Variants in YPEL1 observed in about 807,000 individuals in gnomAD.
The protein encoded by YPEL1 is protein yippee-like 1.
YPEL1 carries 7 observed loss-of-function variants against 17.3 expected under a neutral mutation model. The ratio of observed to expected loss-of-function variants is 0.40; its 90% CI spans 0.23 to 0.76. The LOEUF is 0.76. Among genes scored for constraint, YPEL1 ranks in the 30% least tolerant of loss-of-function variants. YPEL1 has a pLI of 0.35. For synonymous variants in YPEL1, 59 were observed against 59.6 expected, an observed-to-expected ratio of 0.99 and a Z score of 0.05; for missense variants, 91 against 155.5, an observed-to-expected ratio of 0.59 and a Z score of 2.21.
chr22:21,715,265 C>T (rs533630195), intron 1 of YPEL1, among the ~76,000 whole-genome samples: 5 of 152,054 alleles, frequency 3.3e-5, no homozygotes, highest in Non-Finnish European at 5.9e-5. Context: ...GAGGCTGAGG[C>T]GGGCAGATCG....
chr22:21,721,294 A>G lies in YPEL1; in HGVS notation c.-164-10386T>C, dbSNP rs192390809. ...CGCCCGGCTAATTTTTTTTGTGTGTATTTTTAGTAGAGATGAGGTTTCACC... is the reference window on the plus strand; with the variant it reads ...CGCCCGGCTAATTTTTTTTGTGTGTGTTTTTAGTAGAGATGAGGTTTCACC... On this transcript the variant is annotated intron_variant, in intron 1 of 4. Coordinates refer to ENST00000339468, the MANE Select transcript of YPEL1 (RefSeq NM_013313.5). 7.1e-4 allele frequency among the ~76,000 whole-genome samples: 105 copies of G among 147,120 alleles called. 1 individual carries two copies. The highest frequency in any genetic ancestry group is 3.7e-3 in the Middle Eastern group (1 of 268).
At chr22:21,704,128 A>G (rs758070590) in intron 2 of YPEL1, 17 of 718,306 alleles carry the variant, frequency 2.4e-5, no homozygotes, top group Middle Eastern at 4.5e-4. Context: ...GCAAGTGACT[A>G]TTATTGGGAA....
chr22:21,715,968 G>A (rs2068219789), intron 1 of YPEL1, among the ~76,000 whole-genome samples: 3 of 152,226 alleles, frequency 2.0e-5, no homozygotes, highest in Admixed American at 6.5e-5. Context: ...CTCCATGTTG[G>A]TCAGGCTGGT....
chr22:21,724,398 G>A lies in YPEL1; in HGVS notation c.-165+11217C>T, dbSNP rs139583593. Among the ~76,000 whole-genome samples, 806 of 152,026 alleles carry A rather than the reference G, an allele frequency of 5.3e-3. 5 individuals are homozygous for A. Among genetic ancestry groups the A allele is most frequent in the South Asian group, 0.035 (169 of 4,818 alleles). On this transcript the variant is annotated intron_variant, in intron 1 of 4. Transcript: ENST00000339468. ...CTAAAAATACTAAAATTAGCCATGCGTGGTGGCGGGCACCTGCAATCCCAG... is the reference window on the plus strand; with the variant it reads ...CTAAAAATACTAAAATTAGCCATGCATGGTGGCGGGCACCTGCAATCCCAG...
intron 1 of YPEL1, among the ~76,000 whole-genome samples, chr22:21,716,074 A>G (rs963889188): frequency 6.6e-6 from 1 of 151,438 alleles, no homozygotes; most frequent in Non-Finnish European, 1.5e-5. Flanking sequence ...ACACCTGACT[A>G]ATTTTTGTAT....
chr22:21,701,033 G>A lies in YPEL1; in HGVS notation c.*96C>T. ...GCGCAGCTAGCCTTTGAGGTCAGAGGGCAAGAAAGGCTGTCACCAGATGCT... is the reference window on the plus strand; with the variant it reads ...GCGCAGCTAGCCTTTGAGGTCAGAGAGCAAGAAAGGCTGTCACCAGATGCT... On this transcript the variant is annotated 3_prime_UTR_variant, in exon 5 of 5. Transcript: ENST00000339468. 8.9e-7 allele frequency: 1 copy of A among 1,118,764 alleles called. No individual in the cohort carries two copies. 69.3% of individuals were successfully genotyped at this position (1,118,764 alleles called of 1,614,324 possible).
chr22:21,720,164 C>T (rs112994310), intron 1 of YPEL1, among the ~76,000 whole-genome samples: 30,393 of 129,826 alleles, frequency 0.23, 3,476 homozygotes, highest in African/African-American at 0.29. Context: ...GGTGACAGAG[C>T]GAGACTCTGT....
chr22:21,705,047 C>G (rs551625099), intron 2 of YPEL1, among the ~76,000 whole-genome samples: 2 of 152,312 alleles, frequency 1.3e-5, no homozygotes, highest in Admixed American at 1.3e-4. Flanking sequence ...CTCACTGCAG[C>G]CTCTGCCTCC....
chr22:21,720,956 A>C (rs1488946111), intron 1 of YPEL1, among the ~76,000 whole-genome samples: 1 of 147,264 alleles, frequency 6.8e-6, no homozygotes, highest in East Asian at 2.0e-4. Flanking sequence ...CTACAGGTGC[A>C]CACCACCACA....
At chr22:21,704,387 C>T (rs1386261338) in intron 2 of YPEL1, among the ~76,000 whole-genome samples, 4 of 152,268 alleles carry the variant, frequency 2.6e-5, no homozygotes, top group South Asian at 2.1e-4. Context: ...CTGAGTATGG[C>T]GGCTCACGCC....
In YPEL1 at chr22:21,710,895, G is replaced by A. The variant is rs933799082; in HGVS notation, c.-151C>T. 4.2e-6 allele frequency: 3 copies of A among 707,478 alleles called. No homozygotes were observed. In the African/African-American group the frequency reaches 5.3e-5, roughly 12 times the overall value. 43.8% of individuals were successfully genotyped at this position (707,478 alleles called of 1,614,324 possible). A position where few individuals can be genotyped will look rare whatever the true frequency, so the allele number is the denominator to read the frequency against. ...GGCACTGTCCACACAGCTGGGACGA[G>A]AGAAAAACGTAACCTGCCAACCAAT... On this transcript the variant is annotated 5_prime_UTR_variant, in exon 2 of 5. Transcript: ENST00000339468.
chr22:21,701,226 AAG>A lies in YPEL1; in HGVS notation c.271-10_271-9del. 1 of 1,609,420 alleles carries A rather than the reference AAG, an allele frequency of 6.2e-7. No homozygotes were observed. Among genetic ancestry groups the A allele is most frequent in the Non-Finnish European group, 8.5e-7 (1 of 1,176,242 alleles). On this transcript the variant is annotated splice_polypyrimidine_tract_variant and intron_variant, in intron 4 of 4. Transcript: ENST00000339468. ...GCTCTCAAAGGCATGCTCCTTGAAA[AAG>A]AAGAGACAAAGGTTTCAGGACAGAA...
chr22:21,735,261 C>T (rs1257323803), intron 1 of YPEL1, among the ~76,000 whole-genome samples: 1 of 152,124 alleles, frequency 6.6e-6, no homozygotes, highest in Non-Finnish European at 1.5e-5. Flanking sequence ...CATTTCCTTG[C>T]CCAGTTGAGG....
At chr22:21,704,077 A>G (rs1207840361) in intron 2 of YPEL1, 195 bp from the exon 3 acceptor site, 3 of 728,224 alleles carry the variant, frequency 4.1e-6, no homozygotes, top group Admixed American at 2.0e-5. Context: ...GCTGTTTTTC[A>G]TTGTAGACAG....
intron 4 of YPEL1, among the ~76,000 whole-genome samples, chr22:21,702,888 C>T (rs1042935472): frequency 1.3e-5 from 2 of 152,142 alleles, no homozygotes; most frequent in South Asian, 2.1e-4. Flanking sequence ...GAGGAGGTGG[C>T]GATTGCAACC....
intron 1 of YPEL1, among the ~76,000 whole-genome samples, chr22:21,713,605 G>A (rs1156873493): frequency 6.6e-6 from 1 of 152,194 alleles, no homozygotes; most frequent in Non-Finnish European, 1.5e-5. Context: ...CTTCATGGGT[G>A]CAGTGTTTCA....
chr22:21,724,773 G>T (rs147441771), intron 1 of YPEL1, among the ~76,000 whole-genome samples: 61 of 151,618 alleles, frequency 4.0e-4, no homozygotes, highest in Non-Finnish European at 6.9e-4. Flanking sequence ...TAGAGACAAG[G>T]TTTCACTATG....
rs527949721 is a variant in YPEL1 at position 21,726,197 on chromosome 22, G to A, written c.-165+9418C>T. On this transcript the variant is annotated intron_variant, in intron 1 of 4. Coordinates refer to ENST00000339468, the MANE Select transcript of YPEL1 (RefSeq NM_013313.5). ...TCCCCAAAGAGCAGTGCACAAGCCA[G>A]GGCCCTGCCAGCGCTGTCCAGGAAG... 2.0e-3 allele frequency among the ~76,000 whole-genome samples: 302 copies of A among 152,290 alleles called. 1 individual carries two copies. Among genetic ancestry groups the A allele is most frequent in the African/African-American group, 6.8e-3 (283 of 41,554 alleles).
At chr22:21,707,855 T>C (rs2068128354) in intron 2 of YPEL1, among the ~76,000 whole-genome samples, 1 of 152,234 alleles carries the variant, frequency 6.6e-6, no homozygotes, top group Non-Finnish European at 1.5e-5. Context: ...ATATGGTCCC[T>C]GTTCTAATTA....
Sources: gnomAD v4.1 joint callset for allele counts (sites outside exome capture counted in the v4.1 genomes callset) on GRCh38, gnomAD v4.1.1 for gene constraint, MANE v1.5 for transcripts, NCBI Gene and HGNC (gene_info 2026-07-23, HGNC 2026-07-21) for gene names.